GGA3: variants seen among roughly 807,000 people sequenced by gnomAD.
GGA3 encodes ADP-ribosylation factor-binding protein GGA3.
In GGA3, 57 loss-of-function variants were observed where a neutral mutation model predicts 77.5. The ratio of observed to expected loss-of-function variants is 0.74; its 90% CI spans 0.59 to 0.92. The LOEUF is 0.92. Ranked by LOEUF, GGA3 falls within the 40% of genes least tolerant of loss-of-function variation. The pLI is 0.00. For missense variants in GGA3, 970 were observed against 914.9 expected, an observed-to-expected ratio of 1.06 and a Z score of -0.78; for synonymous variants, 416 against 383.7, an observed-to-expected ratio of 1.08 and a Z score of -0.98.
In GGA3 at chr17:75,244,604, C is replaced by G. The variant is rs1300856752; in HGVS notation, c.300+15G>C. 1 of 1,547,520 alleles carries G rather than the reference C, an allele frequency of 6.5e-7. No homozygotes were observed. The highest frequency in any genetic ancestry group is 2.2e-5 in the East Asian group (1 of 44,598). On this transcript the variant is annotated intron_variant, in intron 4 of 16. Transcript: ENST00000537686. ...AAAGAAGTCCCTAAAAGCGAGGAAT[C>G]TGCCGCTGACTGACCTTTGGAGAGA...
chr17:75,240,186 G>C, intron 12 of GGA3, 78 bp from the exon 13 acceptor site: 5 of 1,292,058 alleles, frequency 3.9e-6, no homozygotes, highest in Non-Finnish European at 4.3e-6. Context: ...AGCCCTCCAA[G>C]GACTGCACGG....
At chr17:75,244,498 C>A (rs766693980) in intron 4 of GGA3, 121 bp downstream of exon 4, 1 of 741,836 alleles carries the variant, frequency 1.3e-6, no homozygotes, top group Non-Finnish European at 2.4e-6. Flanking sequence ...TCTCTAAGGA[C>A]AAGACACAAA....
At chr17:75,256,555 G>A (rs1191252403) in intron 1 of GGA3, among the ~76,000 whole-genome samples, 4 of 152,052 alleles carry the variant, frequency 2.6e-5, no homozygotes, top group Non-Finnish European at 5.9e-5. Flanking sequence ...ATTTATTGAT[G>A]GCAGTTCCAG....
chr17:75,261,428 G>A, intron 1 of GGA3, 120 bp downstream of exon 1: 2 of 733,418 alleles, frequency 2.7e-6, no homozygotes, highest in Non-Finnish European at 2.0e-6. Context: ...CGCGGCGAGG[G>A]CGAGACCGGG....
In GGA3 at chr17:75,239,788, C is replaced by A; in HGVS notation, c.1583+1G>T. 6.2e-7 allele frequency: 1 copy of A among 1,613,580 alleles called. No individual in the cohort carries two copies. The highest frequency in any genetic ancestry group is 8.5e-7 in the Non-Finnish European group (1 of 1,179,978). On this transcript the variant is annotated splice_donor_variant, in intron 13 of 16. Transcript: ENST00000537686. LOFTEE classifies it high-confidence loss of function. ...ACCCCACATCTCCTCCCACTCATTA[C>A]ACTTTGGCCTCTTCTAGAAGCTGAT...
At chr17:75,243,202 G>C (rs750207389) in intron 5 of GGA3, 36 bp from the exon 6 acceptor site, 10 of 1,479,094 alleles carry the variant, frequency 6.8e-6, no homozygotes, top group Non-Finnish European at 9.3e-6. Flanking sequence ...CACTCAGGCT[G>C]TGGTTGCCTT....
intron 1 of GGA3, among the ~76,000 whole-genome samples, chr17:75,255,453 C>T (rs113565684): frequency 1.3e-5 from 2 of 150,536 alleles, no homozygotes; most frequent in African/African-American, 4.8e-5. Flanking sequence ...TATTCCCCCC[C>T]ACCTTAACCC....
Position 75,247,263 on chromosome 17 carries a change from AT to A in GGA3, c.41-468del, listed in dbSNP as rs373755619. 5.2e-3 allele frequency among the ~76,000 whole-genome samples: 762 copies of A among 145,604 alleles called. 4 individuals are homozygous for A. The highest frequency in any genetic ancestry group is 0.034 in the South Asian group (156 of 4,588). On this transcript the variant is annotated intron_variant, in intron 1 of 16. Transcript: ENST00000537686. ...AAAAAATACATATTTGTAACCACAA[AT>A]TTTTTTTTTTTTTTTGACATGGAGT...
chr17:75,248,379 G>A (rs2076827385), intron 1 of GGA3, among the ~76,000 whole-genome samples: 2 of 147,906 alleles, frequency 1.4e-5, no homozygotes, highest in Admixed American at 6.9e-5. Flanking sequence ...GCTGAGGCAG[G>A]AGAATGGCGC....
chr17:75,253,074 C>A (rs910974133), intron 1 of GGA3, among the ~76,000 whole-genome samples: 1 of 152,184 alleles, frequency 6.6e-6, no homozygotes, highest in Non-Finnish European at 1.5e-5. Flanking sequence ...TGACTCGGAT[C>A]GCGGGACCTC....
At position 75,241,443 on chromosome 17, in the gene GGA3, G is replaced by A. The variant is rs1417355315; in HGVS notation, c.903C>T (p.Val301=). 1.2e-6 allele frequency: 2 copies of A among 1,613,778 alleles called. No homozygotes were observed. The highest frequency in any genetic ancestry group is 2.7e-5 in the African/African-American group (2 of 74,910). The change falls in exon 10 of 17, where the codon GTC becomes GTT. Residue 301 remains valine, a synonymous_variant. Transcript: ENST00000537686. ...NSYKTIIEGQ[V]INGEVATLTL... is the part of the protein sequence containing the mutation. ...TTAAGGTAGCCACCTCGCCATTGAT[G>A]ACCTGCCCTTCAATAATTGTTTTGT...
At chr17:75,242,045 A>G (rs2076577304) in intron 8 of GGA3, 1 of 550,698 alleles carries the variant, frequency 1.8e-6, no homozygotes, top group Non-Finnish European at 3.3e-6. Flanking sequence ...GATGTCCCCA[A>G]GGTAGTAAGG....
At chr17:75,240,437 TGAG>T (rs1181727228) in intron 11 of GGA3, 25 bp from the exon 12 acceptor site, 3 of 1,505,710 alleles carry the variant, frequency 2.0e-6, no homozygotes, top group East Asian at 2.3e-5. Context: ...GAAAACAGGA[TGAG>T]AAGAGGCTCT....
At chr17:75,240,214 A>C in intron 12 of GGA3, 106 bp from the exon 13 acceptor site, 1 of 1,170,432 alleles carries the variant, frequency 8.5e-7, no homozygotes. Context: ...CCCCGGAGGC[A>C]CTCATTGTTC....
Position 75,254,577 on chromosome 17 carries a change from T to C in GGA3, c.40+6971A>G, listed in dbSNP as rs534678811. On this transcript the variant is annotated intron_variant, in intron 1 of 16. Coordinates refer to ENST00000537686, the MANE Select transcript of GGA3 (RefSeq NM_138619.4). ...AGGGCCGTCTTATTCTCAATATACG[T>C]TTTATTACCCAATCTGCTCCCGACA... Among the ~76,000 whole-genome samples, 11 of 152,212 alleles carry C rather than the reference T, an allele frequency of 7.2e-5. No individual in the cohort carries two copies. The East Asian group carries it at 2.1e-3, about 29-fold the overall frequency.
Position 75,241,052 on chromosome 17 carries a change from T to C in GGA3, c.952A>G (p.Ser318Gly), listed in dbSNP as rs139136653. 442 of 1,613,994 alleles carry C rather than the reference T, an allele frequency of 2.7e-4. No homozygotes were observed. The highest frequency in any genetic ancestry group is 3.7e-4 in the Non-Finnish European group (431 of 1,180,016). Reference protein sequence around the residue: ...TLTLPDSEGNSQCSNQGTLID... With the variant: ...TLTLPDSEGNGQCSNQGTLID... ...AGCGTGCCTTGGTTACTGCACTGAC[T>C]GTTTCCTGGATGGGTCAACAGAGCA... is the stretch of plus-strand genomic sequence containing the variant. The change falls in exon 11 of 17, where the codon AGT (serine) becomes GGT (glycine). Residue 318 changes from serine to glycine, a missense_variant. By Grantham distance (56) the Ser-to-Gly change is moderately conservative. Transcript: ENST00000537686.
chr17:75,237,657 A>C lies in GGA3; in HGVS notation c.*622T>G. 1 of 1,495,320 alleles carries C rather than the reference A, an allele frequency of 6.7e-7. No homozygotes were observed. Among genetic ancestry groups the C allele is most frequent in the Non-Finnish European group, 8.9e-7 (1 of 1,124,354 alleles). 92.6% of individuals were successfully genotyped at this position (1,495,320 alleles called of 1,614,324 possible). A position where few individuals can be genotyped will look rare whatever the true frequency, so the allele number is the denominator to read the frequency against. On this transcript the variant is annotated 3_prime_UTR_variant, in exon 17 of 17. Transcript: ENST00000537686. ...ACACAGCCTGCCACTGCCAGGGACA[A>C]GCACACAACTCATCACTCCGTGGCC...
chr17:75,246,718 A>C lies in GGA3; in HGVS notation c.119T>G (p.Leu40Arg). Residue 40 changes from leucine (L) to arginine (R), a missense_variant, in exon 2 of 17, where the codon CTG (leucine) becomes CGG (arginine). Leu to Arg is a moderately radical substitution (Grantham distance 102). Coordinates refer to ENST00000537686, the MANE Select transcript of GGA3 (RefSeq NM_138619.4). ...CCACAGTGCTGAGACTCACCCTTCC[A>C]GCTCCTTGTTGATCTGATCACAGAA... ...IGFCDQINKE[L>R]EGPQIAVRLL... 1 of 1,613,368 alleles carries C rather than the reference A, an allele frequency of 6.2e-7. No homozygotes were observed. Among genetic ancestry groups the C allele is most frequent in the Non-Finnish European group, 8.5e-7 (1 of 1,179,314 alleles).
rs934365369 is a variant in GGA3, at chr17:75,237,837, G to T, written c.*442C>A. On this transcript the variant is annotated 3_prime_UTR_variant, in exon 17 of 17. Transcript: ENST00000537686. ...AGCATGGAATTGCAACAGGGCTGCAGCCCCTTGGGCCGTGCATCTGTCAGG... is the reference window on the plus strand; with the variant it reads ...AGCATGGAATTGCAACAGGGCTGCATCCCCTTGGGCCGTGCATCTGTCAGG... 7.0e-7 allele frequency: 1 copy of T among 1,418,448 alleles called. No individual in the cohort carries two copies. Among genetic ancestry groups the T allele is most frequent in the African/African-American group, 1.4e-5 (1 of 69,450 alleles). The allele number at this position is 1,418,448 out of a possible 1,614,324, so 87.9% of individuals were successfully genotyped here.
Sources: allele counts gnomAD v4.1 joint callset (sites outside exome capture counted in the v4.1 genomes callset), GRCh38; gene constraint gnomAD v4.1.1; transcripts MANE v1.5; gene names NCBI Gene and HGNC (gene_info 2026-07-23, HGNC 2026-07-21).